Variants in RORA observed in about 807,000 individuals in gnomAD.
RORA encodes nuclear receptor ROR-alpha.
A neutral mutation model predicts 69.5 loss-of-function variants in RORA; 7 were observed. The observed-to-expected ratio is 0.10, with a 90% CI of 0.06 to 0.19. The LOEUF is 0.19. Ranked by LOEUF, RORA falls within the 10% of genes least tolerant of loss-of-function variation. The pLI is 1.00. For missense variants in RORA, 457 were observed against 663.0 expected (o/e 0.69, Z 3.41); for synonymous variants, 261 against 240.8 (o/e 1.08, Z -0.78).
At chr15:60,984,406 A>C (rs1299493979) in intron 1 of RORA, among the ~76,000 whole-genome samples, 1 of 151,024 alleles carries the variant, frequency 6.6e-6, no homozygotes, top group Non-Finnish European at 1.5e-5. Context: ...AATGCTACTA[A>C]TTATTTTAAT....
intron 1 of RORA, among the ~76,000 whole-genome samples, chr15:60,812,769 G>C (rs2072761318): frequency 1.3e-5 from 2 of 152,200 alleles, no homozygotes. Context: ...TAGCAGGTTT[G>C]AGCAGAAATA....
chr15:60,666,348 T>TTC (rs1555444329), intron 2 of RORA, among the ~76,000 whole-genome samples: 2 of 108,558 alleles, frequency 1.8e-5, no homozygotes, highest in African/African-American at 2.8e-5. Context: ...ATTTCTTTCT[T>TTC]TTTTTTTTTT....
intron 1 of RORA, among the ~76,000 whole-genome samples, chr15:60,785,652 G>A (rs1178045346): frequency 2.6e-5 from 4 of 152,122 alleles, no homozygotes; most frequent in East Asian, 1.9e-4. Context: ...CTGCAGCCTC[G>A]GTAGCCTTCA....
chr15:61,102,542 G>A (rs2078894663), intron 1 of RORA, among the ~76,000 whole-genome samples: 1 of 152,088 alleles, frequency 6.6e-6, no homozygotes, highest in Non-Finnish European at 1.5e-5. Context: ...AACATCCTTT[G>A]ATATCCAATT....
intron 1 of RORA, among the ~76,000 whole-genome samples, chr15:61,013,353 A>G (rs1440519242): frequency 6.6e-6 from 1 of 152,218 alleles, no homozygotes; most frequent in African/African-American, 2.4e-5. Flanking sequence ...CGCATGGCCC[A>G]TAAAGCCAAA....
chr15:61,211,296 A>T (rs79749032), intron 1 of RORA, among the ~76,000 whole-genome samples: 64 of 129,104 alleles, frequency 5.0e-4, no homozygotes, highest in East Asian at 2.2e-3. Flanking sequence ...AAAAAAAAAA[A>T]AAAAAAAGGA....
intron 1 of RORA, among the ~76,000 whole-genome samples, chr15:60,995,769 T>C (rs1318798302): frequency 6.6e-6 from 1 of 152,192 alleles, no homozygotes; most frequent in East Asian, 1.9e-4. Flanking sequence ...CACCAAATAG[T>C]ACGCCCCACA....
chr15:60,815,612 G>A (rs1441178981), intron 1 of RORA, among the ~76,000 whole-genome samples: 1 of 151,844 alleles, frequency 6.6e-6, no homozygotes, highest in Non-Finnish European at 1.5e-5. Flanking sequence ...TGCAGCCAGA[G>A]CCAGGTGCTG....
At chr15:60,842,851 C>T (rs562583422) in intron 1 of RORA, among the ~76,000 whole-genome samples, 11 of 152,148 alleles carry the variant, frequency 7.2e-5, no homozygotes, top group South Asian at 4.1e-4. Flanking sequence ...AAAGAAGACA[C>T]GCAGCCCAGG....
chr15:60,778,747 A>C (rs962235491), intron 1 of RORA, among the ~76,000 whole-genome samples: 2 of 152,096 alleles, frequency 1.3e-5, no homozygotes, highest in Non-Finnish European at 2.9e-5. Context: ...GAAGATAGTT[A>C]CTGTTTTTCT....
intron 2 of RORA, among the ~76,000 whole-genome samples, chr15:60,592,197 A>G (rs938357683): frequency 1.4e-3 from 212 of 151,902 alleles, no homozygotes; most frequent in Middle Eastern, 3.4e-3. Flanking sequence ...AATCGGAGGC[A>G]GGCCGATCCC....
chr15:60,652,388 T>C (rs569009336), intron 2 of RORA, among the ~76,000 whole-genome samples: 4 of 152,288 alleles, frequency 2.6e-5, no homozygotes, highest in Non-Finnish European at 5.9e-5. Flanking sequence ...AAAAGCCAGA[T>C]TGGCTCGAAA....
intron 1 of RORA, among the ~76,000 whole-genome samples, chr15:60,973,667 C>T (rs192932341): frequency 3.9e-5 from 6 of 152,334 alleles, no homozygotes; most frequent in Admixed American, 2.0e-4. Flanking sequence ...GTTGCCCTCA[C>T]GACCCTTGTA....
At chr15:61,005,624 A>G (rs949062715) in intron 1 of RORA, among the ~76,000 whole-genome samples, 2 of 152,204 alleles carry the variant, frequency 1.3e-5, no homozygotes, top group African/African-American at 2.4e-5. Flanking sequence ...ACACACATAT[A>G]TGTATTATCC....
intron 1 of RORA, among the ~76,000 whole-genome samples, chr15:61,008,164 C>T (rs1256014396): frequency 1.3e-5 from 2 of 150,706 alleles, no homozygotes; most frequent in East Asian, 3.9e-4. Flanking sequence ...TTTGGATAAA[C>T]ATGTGGAGGT....
chr15:61,017,765 G>A (rs906466206), intron 1 of RORA, among the ~76,000 whole-genome samples: 1 of 152,140 alleles, frequency 6.6e-6, no homozygotes, highest in Non-Finnish European at 1.5e-5. Context: ...AAATGATGAC[G>A]TGCCACAAAG....
At chr15:60,501,709 A>T (rs1302838900) in intron 8 of RORA, among the ~76,000 whole-genome samples, 2 of 152,224 alleles carry the variant, frequency 1.3e-5, no homozygotes, top group African/African-American at 4.8e-5. Context: ...TGGTAAAACT[A>T]TTATAACTAT....
chr15:61,076,072 C>T (rs2078445038), intron 1 of RORA, among the ~76,000 whole-genome samples: 2 of 152,186 alleles, frequency 1.3e-5, no homozygotes, highest in Non-Finnish European at 2.9e-5. Context: ...CATCTCTCTC[C>T]TCTTTGCAGG....
chr15:60,605,471 G>A (rs1280815731), intron 2 of RORA, among the ~76,000 whole-genome samples: 2 of 151,966 alleles, frequency 1.3e-5, no homozygotes, highest in South Asian at 2.1e-4. Flanking sequence ...ATACAACTAA[G>A]GCTAACAACA....
Sources: gnomAD v4.1 joint callset for allele counts (sites outside exome capture counted in the v4.1 genomes callset) on GRCh38, gnomAD v4.1.1 for gene constraint, MANE v1.5 for transcripts, NCBI Gene and HGNC (gene_info 2026-07-23, HGNC 2026-07-21) for gene names.